NRROS: variants seen among roughly 807,000 people sequenced by gnomAD.
NRROS encodes negative regulator of reactive oxygen species.
NRROS carries 6 observed loss-of-function variants against 12.0 expected under a neutral mutation model. The ratio of observed to expected loss-of-function variants is 0.50; its 90% CI spans 0.27 to 0.98. The LOEUF is 0.98. Among genes scored for constraint, NRROS ranks in the 50% least tolerant of loss-of-function variants. The probability of loss-of-function intolerance (pLI) is 0.11; values close to 1 mark genes in which losing one functional copy is unlikely to be tolerated. For missense variants in NRROS, 857 were observed against 888.2 expected (o/e 0.96, Z 0.45); for synonymous variants, 462 against 410.2 (o/e 1.13, Z -1.53).
rs899652428 is a variant in NRROS, at chr3:196,654,086, C to G, written c.-13-441C>G. Among the ~76,000 whole-genome samples, 10 of 152,180 alleles carry G rather than the reference C, an allele frequency of 6.6e-5. No homozygotes were observed. Among genetic ancestry groups the G allele is most frequent in the African/African-American group, 2.4e-4 (10 of 41,434 alleles). On this transcript the variant is annotated intron_variant, in intron 1 of 2. Coordinates refer to ENST00000328557, the MANE Select transcript of NRROS (RefSeq NM_198565.3). The surrounding 1 kb of genome is among the most constrained non-coding windows in gnomAD (Gnocchi z 4.4). Reference sequence around the variant, plus strand: ...GAGGCCCCCATCCGTGTTTCCGTCTCCGTCCACTCTCCAGTTGTTCATTCA... The same window carrying G: ...GAGGCCCCCATCCGTGTTTCCGTCTGCGTCCACTCTCCAGTTGTTCATTCA...
Position 196,661,657 on chromosome 3 carries a change from C to A in NRROS, c.2014C>A (p.Leu672Ile). ...GCTGGTGGCCTGCACTGTCATCGTC[C>A]TCACTTTTAAGAAGCCTCTGCTTCA... is the stretch of plus-strand genomic sequence containing the variant. ...TLLVACTVIVLTFKKPLLQVI... is the reference protein window; with the variant it reads ...TLLVACTVIVITFKKPLLQVI... Residue 672 changes from leucine to isoleucine, a missense_variant, in exon 3 of 3, where the codon CTC becomes ATC. Physicochemically the swap from Leu to Ile is conservative, Grantham distance 5. Coordinates refer to ENST00000328557, the MANE Select transcript of NRROS (RefSeq NM_198565.3). The A allele has an allele frequency of 6.2e-7, 1 of 1,607,910 alleles. No homozygotes were observed.
intron 2 of NRROS, 87 bp from the exon 3 acceptor site, chr3:196,659,665 G>C (rs1411836087): frequency 7.3e-7 from 1 of 1,368,804 alleles, no homozygotes; most frequent in Non-Finnish European, 9.9e-7. Flanking sequence ...CGGTTGCAGG[G>C]ACAGTCTGAT....
chr3:196,647,286 G>A (rs1443951635), intron 1 of NRROS, among the ~76,000 whole-genome samples: 2 of 152,172 alleles, frequency 1.3e-5, no homozygotes, highest in Non-Finnish European at 2.9e-5. Context: ...TTCAGAAAAA[G>A]TGTGCCAATT....
In NRROS at chr3:196,654,410, A is replaced by G; in HGVS notation, c.-13-117A>G. On this transcript the variant is annotated intron_variant, in intron 1 of 2. Coordinates refer to ENST00000328557, the MANE Select transcript of NRROS (RefSeq NM_198565.3). The surrounding 1 kb of genome is among the most constrained non-coding windows in gnomAD (Gnocchi z 4.4). ...TATCCTGTGGGCTGCACCTCTATGG[A>G]GCTCCACAGAGCTCCAAGACCACAT... The G allele has an allele frequency of 1.4e-6, 1 of 716,122 alleles. No individual in the cohort carries two copies. The highest frequency in any genetic ancestry group is 2.6e-6 in the Non-Finnish European group (1 of 390,890). The allele number at this position is 716,122 out of a possible 1,614,324, so 44.4% of individuals were successfully genotyped here.
intron 1 of NRROS, among the ~76,000 whole-genome samples, chr3:196,644,750 C>T (rs540081875): frequency 7.1e-5 from 9 of 127,104 alleles, no homozygotes; most frequent in Admixed American, 3.7e-4. Context: ...TCCAGTCTGG[C>T]GACAGAGTGA....
At chr3:196,647,338 G>C (rs1737331927) in intron 1 of NRROS, among the ~76,000 whole-genome samples, 1 of 152,124 alleles carries the variant, frequency 6.6e-6, no homozygotes, top group South Asian at 2.1e-4. Context: ...CTTAGGGGGG[G>C]AGAAGTCAAA....
At chr3:196,649,479 C>CTT (rs113457429) in intron 1 of NRROS, among the ~76,000 whole-genome samples, 4,470 of 149,712 alleles carry the variant, frequency 0.03, 88 homozygotes, top group South Asian at 0.066. Context: ...TTGTTTCTCT[C>CTT]TTTTTTTTTT....
At chr3:196,647,414 G>A (rs963368865) in intron 1 of NRROS, among the ~76,000 whole-genome samples, 7 of 152,154 alleles carry the variant, frequency 4.6e-5, no homozygotes, top group African/African-American at 1.2e-4. Context: ...CAAATCACAA[G>A]CTCTGAATTC....
intron 1 of NRROS, among the ~76,000 whole-genome samples, chr3:196,649,078 C>T (rs1367326284): frequency 2.6e-5 from 4 of 152,204 alleles, no homozygotes; most frequent in African/African-American, 4.8e-5. Context: ...CAGGAGCTCT[C>T]ACCACGGGGG....
rs999415332 is a variant in NRROS at position 196,659,954 on chromosome 3, A to G, written c.311A>G (p.Gln104Arg). The change falls in exon 3 of 3, where the codon CAA (glutamine) becomes CGA (arginine). Residue 104 changes from glutamine (Q) to arginine (R), a missense_variant. By Grantham distance (43) the Gln-to-Arg change is conservative. Transcript: ENST00000328557. ...ATCAGCCGCGGCGCCTTCCAGGAGC[A>G]AGGTCACCTGCGCAGCCTGGTCCTG... ...ERISRGAFQEQGHLRSLVLGD... is the reference protein window; with the variant it reads ...ERISRGAFQERGHLRSLVLGD... The G allele has an allele frequency of 9.9e-6, 16 of 1,613,898 alleles. No homozygotes were observed. In the African/African-American group the frequency reaches 2.1e-4, roughly 22 times the overall value.
Position 196,660,616 on chromosome 3 carries a change from A to T in NRROS, c.973A>T (p.Ser325Cys). The T allele has an allele frequency of 6.2e-7, 1 of 1,614,180 alleles. No individual in the cohort carries two copies. Among genetic ancestry groups the T allele is most frequent in the South Asian group, 1.1e-5 (1 of 91,086 alleles). ...TVSLWEEFSS[S>C]DLADLRFLDM... ...CAGCCTCTGGGAAGAATTCTCCTCC[A>T]GCGACCTCGCAGATCTCCGCTTCCT... is the stretch of plus-strand genomic sequence containing the variant. The change falls in exon 3 of 3, where the codon AGC becomes TGC. Residue 325 changes from serine (S) to cysteine (C), a missense_variant. Coordinates refer to ENST00000328557, the MANE Select transcript of NRROS (RefSeq NM_198565.3). This position sits in a 1 kb window ranked among gnomAD's most constrained non-coding sequence, Gnocchi z 7.7.
intron 2 of NRROS, among the ~76,000 whole-genome samples, chr3:196,658,031 G>A (rs1016034153): frequency 6.6e-5 from 10 of 152,108 alleles, no homozygotes; most frequent in Admixed American, 1.3e-4. Flanking sequence ...GGTCTCTTTC[G>A]GTTCCGTAAC....
At position 196,660,646 on chromosome 3, in the gene NRROS, A is replaced by T. The variant is rs1489293958; in HGVS notation, c.1003A>T (p.Met335Leu). The T allele has an allele frequency of 6.2e-7, 1 of 1,614,070 alleles. No homozygotes were observed. The highest frequency in any genetic ancestry group is 8.5e-7 in the Non-Finnish European group (1 of 1,180,036). ...SDLADLRFLD[M>L]SQNQFQYLPD... ...CCTCGCAGATCTCCGCTTCCTGGAC[A>T]TGAGCCAGAACCAGTTCCAGTACCT... The change falls in exon 3 of 3, where the codon ATG becomes TTG. Residue 335 changes from methionine (M) to leucine (L), a missense_variant. Met to Leu is a conservative substitution (Grantham distance 15). Coordinates refer to ENST00000328557, the MANE Select transcript of NRROS (RefSeq NM_198565.3). The surrounding 1 kb of genome is among the most constrained non-coding windows in gnomAD (Gnocchi z 7.7).
In NRROS at chr3:196,654,536, T is replaced by C; in HGVS notation, c.-4T>C. 3.1e-6 allele frequency: 5 copies of C among 1,600,498 alleles called. No homozygotes were observed. In the Admixed American group the frequency reaches 8.3e-5, roughly 27 times the overall value. On this transcript the variant is annotated 5_prime_UTR_variant, in exon 2 of 3. An upstream open reading frame in the 5' UTR loses its in-frame stop. Coordinates refer to ENST00000328557, the MANE Select transcript of NRROS (RefSeq NM_198565.3). The surrounding 1 kb of genome is among the most constrained non-coding windows in gnomAD (Gnocchi z 4.4). ...TGCTCTCTGTCCACAGGGCTGCCCT[T>C]GAGATGGAGTTGCTGCCTCTTTGGC...
chr3:196,649,527 A>T (rs900560611), intron 1 of NRROS, among the ~76,000 whole-genome samples: 1 of 152,024 alleles, frequency 6.6e-6, no homozygotes, highest in Non-Finnish European at 1.5e-5. Flanking sequence ...GCTGGAGTGC[A>T]GTGGCGTGAT....
At chr3:196,649,085 G>A (rs947949225) in intron 1 of NRROS, among the ~76,000 whole-genome samples, 9 of 152,152 alleles carry the variant, frequency 5.9e-5, no homozygotes, top group Non-Finnish European at 1.2e-4. Flanking sequence ...TCTCACCACG[G>A]GGGTGTTGAG....
At chr3:196,640,362 A>G (rs145202635) in intron 1 of NRROS, among the ~76,000 whole-genome samples, 2 of 152,288 alleles carry the variant, frequency 1.3e-5, no homozygotes, top group Non-Finnish European at 2.9e-5. Flanking sequence ...GAGAACCACT[A>G]TCTCATAGAT....
rs151257083 is a variant in NRROS, at chr3:196,654,609, G to C, written c.70G>C (p.Gly24Arg). ...FLTVGWRNRSGTATAASQGVC... is the reference protein window; with the variant it reads ...FLTVGWRNRSRTATAASQGVC... ...GACCGTGGGCTGGAGGAACAGAAGC[G>C]GAACAGCCACAGCAGCCTCCCAAGG... is the stretch of plus-strand genomic sequence containing the variant. Residue 24 changes from glycine (G) to arginine (R), a missense_variant, in exon 2 of 3, where the codon GGA becomes CGA. Transcript: ENST00000328557. The surrounding 1 kb of genome is among the most constrained non-coding windows in gnomAD (Gnocchi z 4.4). 1 of 1,613,994 alleles carries C rather than the reference G, an allele frequency of 6.2e-7. No homozygotes were observed. Among genetic ancestry groups the C allele is most frequent in the Non-Finnish European group, 8.5e-7 (1 of 1,179,878 alleles).
At position 196,661,678 on chromosome 3, in the gene NRROS, C is replaced by T. The variant is rs769621439; in HGVS notation, c.2035C>T (p.Leu679Phe). The change falls in exon 3 of 3, where the codon CTT becomes TTT. Residue 679 changes from leucine (L) to phenylalanine (F), a missense_variant. Leu to Phe is a conservative substitution (Grantham distance 22). Transcript: ENST00000328557. ...VIVLTFKKPL[L>F]QVIKSRCHWS... is the part of the protein sequence containing the mutation. ...CGTCCTCACTTTTAAGAAGCCTCTG[C>T]TTCAGGTCATCAAGAGCCGCTGCCA... 6.2e-7 allele frequency: 1 copy of T among 1,602,532 alleles called. No homozygotes were observed. Among genetic ancestry groups the T allele is most frequent in the Non-Finnish European group, 8.5e-7 (1 of 1,179,042 alleles).
Sources: allele counts gnomAD v4.1 joint callset (sites outside exome capture counted in the v4.1 genomes callset), GRCh38; gene constraint gnomAD v4.1.1; non-coding constraint Gnocchi (gnomAD v3.1); transcripts MANE v1.5; gene names NCBI Gene and HGNC (gene_info 2026-07-23, HGNC 2026-07-21).